NDST4: variants seen among roughly 807,000 people sequenced by gnomAD.
NDST4 encodes N-deacetylase and N-sulfotransferase 4, also known as N-heparan sulfate sulfotransferase 4.
NDST4 carries 63 observed loss-of-function variants against 100.8 expected under a neutral mutation model. The ratio of observed to expected loss-of-function variants is 0.62; its 90% confidence interval spans 0.51 to 0.77. The LOEUF (loss-of-function observed/expected upper bound fraction) is 0.77, where lower values mean the gene tolerates loss of function less well. Among genes scored for constraint, NDST4 ranks in the 30% least tolerant of loss-of-function variants. The pLI, the probability that NDST4 is intolerant of heterozygous loss-of-function variation, is 0.00. For missense variants in NDST4, 943 were observed against 1,018.4 expected, an observed-to-expected ratio of 0.93 and a Z score of 1.01; for synonymous variants, 377 against 361.8, an observed-to-expected ratio of 1.04 and a Z score of -0.48.
At position 114,867,022 on chromosome 4, in the gene NDST4, G is replaced by C. The variant is rs1724041534; in HGVS notation, c.1719+3746C>G. Reference sequence around the variant, plus strand: ...TCTTGTGGTTGAAATCACCCTTGAGGAGGAGTAAGAAAACCTAGGGCTTTA... The same window carrying C: ...TCTTGTGGTTGAAATCACCCTTGAGCAGGAGTAAGAAAACCTAGGGCTTTA... On this transcript the variant is annotated intron_variant, in intron 7 of 13. Transcript: ENST00000264363. 2.0e-5 allele frequency among the ~76,000 whole-genome samples: 3 copies of C among 152,038 alleles called. No individual in the cohort carries two copies. The South Asian group carries it at 6.2e-4, about 32-fold the overall frequency.
At chr4:114,986,464 T>G (rs541842571) in intron 2 of NDST4, among the ~76,000 whole-genome samples, 1 of 152,246 alleles carries the variant, frequency 6.6e-6, no homozygotes, top group Admixed American at 6.5e-5. Context: ...CTTCTGCTTC[T>G]GTTTTCTGAT....
chr4:114,973,476 A>T (rs1220619720), intron 3 of NDST4, among the ~76,000 whole-genome samples: 1 of 151,952 alleles, frequency 6.6e-6, no homozygotes, highest in African/African-American at 2.4e-5. Flanking sequence ...TTCTAATCTG[A>T]TCTAGATCCT....
chr4:115,036,215 T>C (rs1326025938), intron 2 of NDST4, among the ~76,000 whole-genome samples: 1 of 151,700 alleles, frequency 6.6e-6, no homozygotes, highest in Non-Finnish European at 1.5e-5. Context: ...TTGACTACTA[T>C]ATAATGTTTC....
intron 6 of NDST4, among the ~76,000 whole-genome samples, chr4:114,933,119 G>A (rs994371478): frequency 1.3e-5 from 2 of 152,006 alleles, no homozygotes; most frequent in African/African-American, 4.8e-5. Flanking sequence ...GACATAAAGA[G>A]TGACATAAAG....
chr4:114,867,646 T>TAAAAAAAAAAAAAAAAGAAAAAAAAAA (rs1724055656), intron 7 of NDST4, among the ~76,000 whole-genome samples: 3 of 26,778 alleles, frequency 1.1e-4, no homozygotes, highest in African/African-American at 2.5e-4. Flanking sequence ...ATGAGAATTA[T>TAAAAAAAAAAAAAAAAGAAAAAAAAAA]AAAAAAAAAA....
intron 6 of NDST4, among the ~76,000 whole-genome samples, chr4:114,923,515 G>A (rs1725329022): frequency 6.6e-6 from 1 of 151,990 alleles, no homozygotes; most frequent in South Asian, 2.1e-4. Context: ...AAACCAGAAA[G>A]AACAAACCAA....
chr4:115,022,075 CTATACACGTTCCATA>C (rs1483315079), intron 2 of NDST4, among the ~76,000 whole-genome samples: 2 of 151,760 alleles, frequency 1.3e-5, no homozygotes, highest in East Asian at 2.0e-4. Flanking sequence ...CATTCCACGT[CTATACACGTTCCATA>C]TATACACGTT....
intron 6 of NDST4, among the ~76,000 whole-genome samples, chr4:114,871,728 TA>T (rs1170250246): frequency 5.3e-5 from 8 of 152,136 alleles, no homozygotes; most frequent in African/African-American, 1.7e-4. Context: ...ACGCAACTCA[TA>T]AAAAGAGAGT....
Position 114,931,366 on chromosome 4 carries a change from A to G in NDST4, c.1536+3840T>C, listed in dbSNP as rs186082022. ...TGTGAAGAAGTTGTGAAATAGCTCTAAGAGGGAAATTTATGGCACTAAATG... is the reference window on the plus strand; with the variant it reads ...TGTGAAGAAGTTGTGAAATAGCTCTGAGAGGGAAATTTATGGCACTAAATG... On this transcript the variant is annotated intron_variant, in intron 6 of 13. Transcript: ENST00000264363. Among the ~76,000 whole-genome samples the G allele has an allele frequency of 7.2e-5, 11 of 151,818 alleles. No individual in the cohort carries two copies. The East Asian group carries it at 2.1e-3, about 29-fold the overall frequency.
At chr4:114,893,249 G>C (rs1363402757) in intron 6 of NDST4, among the ~76,000 whole-genome samples, 1 of 152,026 alleles carries the variant, frequency 6.6e-6, no homozygotes, top group Non-Finnish European at 1.5e-5. Flanking sequence ...TATTCCTTTG[G>C]GTATATATCC....
At chr4:115,109,060 G>A (rs1005677614) in intron 1 of NDST4, among the ~76,000 whole-genome samples, 1 of 149,914 alleles carries the variant, frequency 6.7e-6, no homozygotes, top group African/African-American at 2.5e-5. Context: ...AGAAAGGAAG[G>A]GAGGAAGGAA....
rs182219153 is a variant in NDST4, at chr4:114,842,409, C to A, written c.2116-2861G>T. On this transcript the variant is annotated intron_variant, in intron 10 of 13. Transcript: ENST00000264363. ...CCCTCTTCTATCCCTTAAGCTTCAA[C>A]CCAGGGATTCTCAAACATAGGCCTG... Among the ~76,000 whole-genome samples, 100 of 151,864 alleles carry A rather than the reference C, an allele frequency of 6.6e-4. 1 individual carries two copies. Among genetic ancestry groups the A allele is most frequent in the Admixed American group, 4.1e-3 (62 of 15,254 alleles).
At chr4:114,921,521 G>A (rs889079231) in intron 6 of NDST4, among the ~76,000 whole-genome samples, 2 of 152,048 alleles carry the variant, frequency 1.3e-5, no homozygotes, top group African/African-American at 4.8e-5. Flanking sequence ...TGATAAAAAT[G>A]ACATTTTAAA....
intron 2 of NDST4, among the ~76,000 whole-genome samples, chr4:115,048,804 A>AT (rs1464309013): frequency 4.6e-5 from 7 of 151,850 alleles, no homozygotes; most frequent in African/African-American, 1.7e-4. Flanking sequence ...CACCCGGCTA[A>AT]TTTTTTGTAT....
chr4:114,985,136 G>C (rs1726871006), intron 2 of NDST4, among the ~76,000 whole-genome samples: 1 of 152,100 alleles, frequency 6.6e-6, no homozygotes, highest in South Asian at 2.1e-4. Flanking sequence ...GTATTTATGG[G>C]GAGAAAGTTT....
intron 6 of NDST4, among the ~76,000 whole-genome samples, chr4:114,873,955 T>C (rs957030068): frequency 5.3e-5 from 8 of 152,146 alleles, no homozygotes; most frequent in African/African-American, 1.9e-4. Flanking sequence ...ACACATAAAA[T>C]GTACCATCTT....
chr4:114,958,514 G>C (rs548004084), intron 4 of NDST4, among the ~76,000 whole-genome samples: 7 of 152,250 alleles, frequency 4.6e-5, no homozygotes, highest in Admixed American at 3.3e-4. Context: ...GGCTGCAAAG[G>C]CTTCGGGCTT....
At chr4:114,854,997 A>C (rs528777154) in intron 7 of NDST4, among the ~76,000 whole-genome samples, 1 of 152,246 alleles carries the variant, frequency 6.6e-6, no homozygotes, top group South Asian at 2.1e-4. Context: ...ATGGCATCTC[A>C]TTGTAGTTTT....
chr4:115,097,552 T>C (rs895839723), intron 1 of NDST4, among the ~76,000 whole-genome samples: 2 of 152,134 alleles, frequency 1.3e-5, no homozygotes, highest in Non-Finnish European at 2.9e-5. Flanking sequence ...ATCTTAACAA[T>C]TCCCATGGCT....
Sources: gnomAD v4.1 joint callset for allele counts (sites outside exome capture counted in the v4.1 genomes callset) on GRCh38, gnomAD v4.1.1 for gene constraint, MANE v1.5 for transcripts, NCBI Gene and HGNC (gene_info 2026-07-23, HGNC 2026-07-21) for gene names.